Variants in WDR82 observed in about 807,000 individuals in gnomAD.
WDR82 encodes WD repeat-containing protein 82.
In WDR82, 8 loss-of-function variants were observed where a neutral mutation model predicts 36.1. The observed-to-expected ratio is 0.22, with a 90% CI of 0.13 to 0.40. WDR82 has a LOEUF of 0.40. Among genes scored for constraint, WDR82 ranks in the 10% least tolerant of loss-of-function variants. The pLI, the probability that WDR82 is intolerant of heterozygous loss-of-function variation, is 1.00. For missense variants in WDR82, 185 were observed against 400.5 expected (o/e 0.46, Z 4.59); for synonymous variants, 129 against 137.8 (o/e 0.94, Z 0.45).
chr3:52,261,517 T>C (rs1346519662), intron 3 of WDR82, 38 bp from the exon 4 acceptor site: 2 of 1,580,422 alleles, frequency 1.3e-6, no homozygotes, highest in Admixed American at 3.6e-5. Context: ...TGATGCGAAA[T>C]ATTAGCAAAA....
chr3:52,262,386 C>T (rs2107332966), intron 3 of WDR82, among the ~76,000 whole-genome samples: 1 of 152,282 alleles, frequency 6.6e-6, no homozygotes, highest in Middle Eastern at 3.4e-3. Context: ...GAATCATTTA[C>T]AGTATGTAGA....
chr3:52,278,454 G>T lies in WDR82; in HGVS notation c.-93C>A. 4 of 1,100,362 alleles carry T rather than the reference G, an allele frequency of 3.6e-6. No homozygotes were observed. The highest frequency in any genetic ancestry group is 4.5e-5 in the South Asian group (1 of 22,436). The allele number at this position is 1,100,362 out of a possible 1,614,324, so 68.2% of individuals were successfully genotyped here. On this transcript the variant is annotated 5_prime_UTR_variant, in exon 1 of 9. Coordinates refer to ENST00000296490, the MANE Select transcript of WDR82 (RefSeq NM_025222.4). ...GCCGAGGGGCCAACCCAGGCGGGGCGGGCGCCGCGCCGGCGGCTAGCGGGA... is the reference window on the plus strand; with the variant it reads ...GCCGAGGGGCCAACCCAGGCGGGGCTGGCGCCGCGCCGGCGGCTAGCGGGA...
intron 1 of WDR82, among the ~76,000 whole-genome samples, chr3:52,277,277 G>T (rs114027945): frequency 6.6e-6 from 1 of 152,154 alleles, no homozygotes; most frequent in Non-Finnish European, 1.5e-5. Context: ...GGGCTGACAA[G>T]GACCCCCAGG....
intron 7 of WDR82, 93 bp from the exon 8 acceptor site, chr3:52,258,771 A>G: frequency 4.5e-6 from 7 of 1,571,178 alleles, no homozygotes; most frequent in Non-Finnish European, 6.1e-6. Flanking sequence ...AGGATACGCC[A>G]AGCTTTAGGA....
chr3:52,269,584 G>C (rs11714358), intron 2 of WDR82, among the ~76,000 whole-genome samples: 22,034 of 151,858 alleles, frequency 0.15, 2,065 homozygotes, highest in African/African-American at 0.26. Context: ...CAAAAAATTA[G>C]CCAGGCATGG....
chr3:52,269,092 G>A (rs1700130616), intron 2 of WDR82, among the ~76,000 whole-genome samples: 2 of 152,180 alleles, frequency 1.3e-5, no homozygotes, highest in South Asian at 4.1e-4. Flanking sequence ...TGGGATTACA[G>A]GCATGAGCCA....
intron 5 of WDR82, 29 bp from the exon 6 acceptor site, chr3:52,259,901 G>C (rs1156354885): frequency 8.2e-6 from 13 of 1,590,206 alleles, no homozygotes; most frequent in Non-Finnish European, 1.0e-5. Flanking sequence ...AGTAGCCCCA[G>C]GCATATTAAT....
intron 1 of WDR82, among the ~76,000 whole-genome samples, chr3:52,273,379 C>T (rs1330927035): frequency 7.0e-6 from 1 of 142,728 alleles, no homozygotes; most frequent in South Asian, 2.3e-4. Context: ...TGCATTGAGC[C>T]AAGATCGCGC....
chr3:52,272,007 T>C (rs568062609), intron 1 of WDR82, among the ~76,000 whole-genome samples: 56 of 152,196 alleles, frequency 3.7e-4, no homozygotes, highest in African/African-American at 1.3e-3. Context: ...GGAGAATTCC[T>C]TGAACCCAGG....
intron 3 of WDR82, among the ~76,000 whole-genome samples, chr3:52,264,196 G>A (rs1700086242): frequency 6.6e-6 from 1 of 152,158 alleles, no homozygotes; most frequent in African/African-American, 2.4e-5. Flanking sequence ...CCTGTAGGTG[G>A]AAGGCGGGTC....
intron 5 of WDR82, 49 bp downstream of exon 5, chr3:52,260,336 A>T: frequency 1.4e-6 from 2 of 1,423,398 alleles, no homozygotes; most frequent in Non-Finnish European, 1.9e-6. Context: ...TCTCAAAAAC[A>T]AAACAAAACA....
At chr3:52,268,386 C>G (rs370150007) in intron 2 of WDR82, 1 of 470,988 alleles carries the variant, frequency 2.1e-6, no homozygotes, top group Admixed American at 2.4e-5. Context: ...GGAAACGGAG[C>G]GCTGGAGGAA....
chr3:52,258,666 C>T lies in WDR82; in HGVS notation c.782G>A (p.Gly261Asp). The change falls in exon 8 of 9, where the codon GGC becomes GAC. Residue 261 changes from glycine (G) to aspartate (D), a missense_variant. Physicochemically the swap from Gly to Asp is moderately conservative, Grantham distance 94. Around this residue, in one of 3 missense-constraint regions of WDR82, gnomAD observed 110 missense variants for 212.6 expected, o/e 0.52. Transcript: ENST00000296490. ...CTCTCCATTCCAGACATGGATCTTG[C>T]CATCCTCTGAACCTAAAGAGGATAT... ...SQFIMIGSEDGKIHVWNGESG... is the reference protein window; with the variant it reads ...SQFIMIGSEDDKIHVWNGESG... The T allele has an allele frequency of 6.2e-7, 1 of 1,614,192 alleles. No individual in the cohort carries two copies. Among genetic ancestry groups the T allele is most frequent in the South Asian group, 1.1e-5 (1 of 91,080 alleles).
rs1460219452 is a variant in WDR82 at position 52,259,319 on chromosome 3, A to G, written c.700-53T>C. 5 of 1,568,808 alleles carry G rather than the reference A, an allele frequency of 3.2e-6. No homozygotes were observed. The East Asian group carries it at 9.0e-5, about 28-fold the overall frequency. Reference sequence around the variant, plus strand: ...TTCTTACAGAGCCATTAATAAAAACAGCTGCCTACAAACACTGACTCAGCA... The same window carrying G: ...TTCTTACAGAGCCATTAATAAAAACGGCTGCCTACAAACACTGACTCAGCA... On this transcript the variant is annotated intron_variant, in intron 6 of 8. Transcript: ENST00000296490.
In WDR82 at chr3:52,270,752, A is replaced by G. The variant is rs758818016; in HGVS notation, c.219T>C (p.His73=). The change falls in exon 2 of 9, where the codon CAT becomes CAC. Residue 73 remains histidine (H), a synonymous_variant. Transcript: ENST00000296490. ...AGCTGTAAACAACTGTGTTTGCTGCATGAGTGTATCTGATGAGGTCCACAC... is the reference window on the plus strand; with the variant it reads ...AGCTGTAAACAACTGTGTTTGCTGCGTGAGTGTATCTGATGAGGTCCACAC... ...KYGVDLIRYT[H]AANTVVYSSN... The G allele has an allele frequency of 6.2e-7, 1 of 1,613,622 alleles. No individual in the cohort carries two copies. Among genetic ancestry groups the G allele is most frequent in the Non-Finnish European group, 8.5e-7 (1 of 1,179,806 alleles).
At position 52,278,329 on chromosome 3, in the gene WDR82, G is replaced by A. The variant is rs1700225920; in HGVS notation, c.33C>T (p.Phe11=). 1 of 1,598,184 alleles carries A rather than the reference G, an allele frequency of 6.3e-7. No individual in the cohort carries two copies. Among genetic ancestry groups the A allele is most frequent in the South Asian group, 1.1e-5 (1 of 89,366 alleles). ...TTTCGCGGAACACCTTAGCGACGCG[G>A]AAGCTCCGCAACACGCTGTCGGTCA... is the stretch of plus-strand genomic sequence containing the variant. MKLTDSVLRS[F]RVAKVFRENS... Residue 11 remains phenylalanine (F), a synonymous_variant, in exon 1 of 9, where the codon TTC becomes TTT. Coordinates refer to ENST00000296490, the MANE Select transcript of WDR82 (RefSeq NM_025222.4).
Position 52,278,453 on chromosome 3 carries a change from C to T in WDR82, c.-92G>A. ...TGCCGAGGGGCCAACCCAGGCGGGG[C>T]GGGCGCCGCGCCGGCGGCTAGCGGG... On this transcript the variant is annotated 5_prime_UTR_variant, in exon 1 of 9. Coordinates refer to ENST00000296490, the MANE Select transcript of WDR82 (RefSeq NM_025222.4). 1 of 1,097,226 alleles carries T rather than the reference C, an allele frequency of 9.1e-7. No individual in the cohort carries two copies. The highest frequency in any genetic ancestry group is 1.1e-6 in the Non-Finnish European group (1 of 884,834). The allele number at this position is 1,097,226 out of a possible 1,614,324, so 68.0% of individuals were successfully genotyped here.
intron 6 of WDR82, 103 bp downstream of exon 6, chr3:52,259,610 ATGAG>A (rs1463587531): frequency 7.4e-7 from 1 of 1,351,504 alleles, no homozygotes; most frequent in African/African-American, 1.5e-5. Flanking sequence ...GCATGCCTTC[ATGAG>A]TAAGTCAAGA....
chr3:52,257,590 A>T lies in WDR82; in HGVS notation c.913-71T>A, dbSNP rs564246973. The T allele has an allele frequency of 3.8e-6, 6 of 1,598,114 alleles. No homozygotes were observed. In the South Asian group the frequency reaches 6.7e-5, roughly 18 times the overall value. On this transcript the variant is annotated intron_variant, in intron 8 of 8. Transcript: ENST00000296490. The stretch of plus-strand genomic sequence containing the variant: ...CACTGCCAACGGTTCTTCACATCCC[A>T]CCCCACAGCAAAAATGTGCCCAACC...
Sources: allele counts gnomAD v4.1 joint callset (sites outside exome capture counted in the v4.1 genomes callset), GRCh38; gene constraint gnomAD v4.1.1; regional missense constraint gnomAD v4.1.1; transcripts MANE v1.5; gene names NCBI Gene and HGNC (gene_info 2026-07-23, HGNC 2026-07-21).